Variants in DNAH14 observed in about 807,000 individuals in gnomAD.
DNAH14 encodes the protein dynein axonemal heavy chain 14, also known as axonemal beta dynein heavy chain 14.
DNAH14 carries 478 observed loss-of-function variants against 520.9 expected under a neutral mutation model. The ratio of observed to expected loss-of-function variants is 0.92; its 90% CI spans 0.85 to 0.99. DNAH14 has a LOEUF of 0.99. DNAH14 is among the 50% of genes least tolerant of loss of function. DNAH14 has a pLI of 0.00. For synonymous variants in DNAH14, 1,581 were observed against 1,757.2 expected (o/e 0.90, Z 2.51); for missense variants, 4,831 against 5,234.5 (o/e 0.92, Z 2.38).
intron 84 of DNAH14, among the ~76,000 whole-genome samples, chr1:225,393,516 G>A (rs536407474): frequency 4.6e-5 from 7 of 152,288 alleles, no homozygotes; most frequent in East Asian, 3.9e-4. Context: ...CTACATCATC[G>A]CTAGGTGATA....
chr1:225,035,451 C>T (rs76072081), intron 11 of DNAH14, among the ~76,000 whole-genome samples: 8,755 of 151,460 alleles, frequency 0.058, 346 homozygotes, highest in Non-Finnish European at 0.078. Context: ...TTGGTTTCCT[C>T]TTGCTTTTCT....
At position 225,156,967 on chromosome 1, in the gene DNAH14, G is replaced by A. The variant is rs1369759244; in HGVS notation, c.5274-2347G>A. On this transcript the variant is annotated intron_variant, in intron 34 of 85. Coordinates refer to ENST00000682510, the MANE Select transcript of DNAH14 (RefSeq NM_001367479.1). ...CTTGACCTCGTGATCCGCCCGCCTCGGCCTCCCGAAGTGCTGGGATTACAG... is the reference window on the plus strand; with the variant it reads ...CTTGACCTCGTGATCCGCCCGCCTCAGCCTCCCGAAGTGCTGGGATTACAG... 2.7e-5 allele frequency among the ~76,000 whole-genome samples: 4 copies of A among 150,348 alleles called. 1 individual carries two copies. Among genetic ancestry groups the A allele is most frequent in the African/African-American group, 9.8e-5 (4 of 40,748 alleles).
intron 54 of DNAH14, among the ~76,000 whole-genome samples, chr1:225,280,619 AAAG>A (rs770258886): frequency 6.6e-6 from 1 of 151,978 alleles, no homozygotes; most frequent in African/African-American, 2.4e-5. Flanking sequence ...AGAAAGAAAA[AAAG>A]AAGTTCAATC....
chr1:225,262,840 C>A (rs2092981239), intron 46 of DNAH14, among the ~76,000 whole-genome samples: 1 of 151,716 alleles, frequency 6.6e-6, no homozygotes, highest in Non-Finnish European at 1.5e-5. Flanking sequence ...GTCTTTGATT[C>A]CGTATAAATT....
chr1:225,276,971 A>T (rs1432140418), intron 53 of DNAH14, among the ~76,000 whole-genome samples: 1 of 57,686 alleles, frequency 1.7e-5, no homozygotes, highest in Non-Finnish European at 3.3e-5. Flanking sequence ...GGAAGGAAGG[A>T]AGGAAGGAAG....
Position 225,389,888 on chromosome 1 carries a change from C to G in DNAH14, c.13330+15C>G. ...CTTTCCACAAGGTGAGCATTAGAAC[C>G]AAGGTCAGCTCCAGACCTGGCCCAG... On this transcript the variant is annotated intron_variant, in intron 83 of 85. Coordinates refer to ENST00000682510, the MANE Select transcript of DNAH14 (RefSeq NM_001367479.1). The G allele has an allele frequency of 1.3e-6, 2 of 1,550,852 alleles. No individual in the cohort carries two copies. Among genetic ancestry groups the G allele is most frequent in the African/African-American group, 1.4e-5 (1 of 73,150 alleles).
intron 27 of DNAH14, among the ~76,000 whole-genome samples, chr1:225,124,419 A>G (rs747606309): frequency 1.3e-5 from 2 of 152,242 alleles, no homozygotes; most frequent in Non-Finnish European, 2.9e-5. Flanking sequence ...CCGCTGCTTT[A>G]TCAACTAAGT....
intron 54 of DNAH14, among the ~76,000 whole-genome samples, chr1:225,279,460 A>G (rs2093575421): frequency 6.6e-6 from 1 of 152,218 alleles, no homozygotes; most frequent in African/African-American, 2.4e-5. Context: ...GAGGGAGTGT[A>G]ATGACTTAAT....
intron 82 of DNAH14, among the ~76,000 whole-genome samples, chr1:225,388,861 C>T (rs375660837): frequency 6.6e-6 from 1 of 152,240 alleles, no homozygotes; most frequent in East Asian, 1.9e-4. Context: ...ACTGCAACCT[C>T]CACCTTCTGG....
At chr1:224,955,214 G>A (rs2060434594) in intron 3 of DNAH14, 116 bp downstream of exon 3, 1 of 1,139,086 alleles carries the variant, frequency 8.8e-7, no homozygotes, top group Non-Finnish European at 1.3e-6. Context: ...TGAAATATTA[G>A]TGTCTATTTT....
intron 65 of DNAH14, 78 bp downstream of exon 65, chr1:225,331,655 C>A: frequency 1.3e-6 from 2 of 1,524,180 alleles, no homozygotes; most frequent in Non-Finnish European, 1.8e-6. Context: ...ATTTTCACTG[C>A]AGGCTGTATC....
At chr1:225,090,166 A>C (rs2074255530) in intron 21 of DNAH14, among the ~76,000 whole-genome samples, 1 of 152,188 alleles carries the variant, frequency 6.6e-6, no homozygotes, top group Non-Finnish European at 1.5e-5. Context: ...GAGAAATAGC[A>C]TAAAAATAAG....
intron 17 of DNAH14, among the ~76,000 whole-genome samples, chr1:225,058,376 A>G (rs1379111067): frequency 6.6e-6 from 1 of 152,090 alleles, no homozygotes; most frequent in Non-Finnish European, 1.5e-5. Context: ...TGGTGGTGAT[A>G]TCCCCTTTGT....
chr1:225,043,702 A>G (rs770134828), intron 13 of DNAH14, 42 bp from the exon 14 acceptor site: 43 of 1,342,088 alleles, frequency 3.2e-5, no homozygotes, highest in Non-Finnish European at 9.3e-6. Flanking sequence ...ATAAATATCA[A>G]TCAATTTTGT....
At chr1:224,930,075 A>C (rs1272188561) in intron 1 of DNAH14, among the ~76,000 whole-genome samples, 1 of 152,118 alleles carries the variant, frequency 6.6e-6, no homozygotes, top group Non-Finnish European at 1.5e-5. Flanking sequence ...GGAGCTCTCA[A>C]CGCGAGGTTC....
intron 8 of DNAH14, among the ~76,000 whole-genome samples, chr1:224,975,200 G>A (rs180690773): frequency 0.036 from 5,425 of 151,986 alleles, 309 homozygotes; most frequent in African/African-American, 0.12. Flanking sequence ...TTTTTGTTGT[G>A]TCTCTGCCCA....
chr1:225,195,622 C>A (rs921514919), intron 38 of DNAH14, among the ~76,000 whole-genome samples: 17 of 147,820 alleles, frequency 1.2e-4, no homozygotes, highest in African/African-American at 4.0e-4. Flanking sequence ...ATATAACAAC[C>A]CTGCACATAT....
At chr1:225,335,948 T>C (rs2095025734) in intron 66 of DNAH14, among the ~76,000 whole-genome samples, 1 of 121,908 alleles carries the variant, frequency 8.2e-6, no homozygotes, top group Non-Finnish European at 1.9e-5. Flanking sequence ...TACATATATG[T>C]ATATATACAC....
Position 225,398,603 on chromosome 1 carries a change from G to C in DNAH14, c.13575G>C (p.Leu4525=). The stretch of plus-strand genomic sequence containing the variant: ...GATGGAATCGTGAACAGAAAATACT[G>C]GAAGACTCGCTGCCTCTGGAGATGT... ...GARWNREQKI[L]EDSLPLEMCC... The change falls in exon 85 of 86, where the codon CTG becomes CTC. Residue 4525 remains leucine, a synonymous_variant. Coordinates refer to ENST00000682510, the MANE Select transcript of DNAH14 (RefSeq NM_001367479.1). The C allele has an allele frequency of 6.4e-7, 1 of 1,551,690 alleles. No homozygotes were observed. Among genetic ancestry groups the C allele is most frequent in the Non-Finnish European group, 8.7e-7 (1 of 1,146,984 alleles).
Sources: allele counts gnomAD v4.1 joint callset (sites outside exome capture counted in the v4.1 genomes callset), GRCh38; gene constraint gnomAD v4.1.1; transcripts MANE v1.5; gene names NCBI Gene and HGNC (gene_info 2026-07-23, HGNC 2026-07-21).